ZFYVE27: variants seen among roughly 807,000 people sequenced by gnomAD.
ZFYVE27 encodes zinc finger FYVE-type containing 27.
A neutral mutation model predicts 52.8 loss-of-function variants in ZFYVE27; 36 were observed. That is an observed-to-expected ratio of 0.68 (90% CI 0.52 to 0.90). The LOEUF is 0.90. Among genes scored for constraint, ZFYVE27 ranks in the 40% least tolerant of loss-of-function variants. The probability of loss-of-function intolerance (pLI) is 0.00; values close to 1 mark genes in which losing one functional copy is unlikely to be tolerated. For missense variants in ZFYVE27, 450 were observed against 527.2 expected (o/e 0.85, Z 1.43); for synonymous variants, 223 against 215.6 (o/e 1.03, Z -0.30).
intron 10 of ZFYVE27, among the ~76,000 whole-genome samples, chr10:97,755,032 G>C (rs11189355): frequency 0.63 from 96,381 of 152,106 alleles, 32,208 homozygotes; most frequent in Non-Finnish European, 0.75. Flanking sequence ...TTGCCCTTGC[G>C]TGTGAAGTCC....
At position 97,759,738 on chromosome 10, in the gene ZFYVE27, A is replaced by G; in HGVS notation, c.*438A>G. ...CTGCAGGGTACTGGGCCAGGCCCTC[A>G]GCCTCAGAGAGCCTGCAGAAGGGCT... On this transcript the variant is annotated 3_prime_UTR_variant, in exon 13 of 13. Transcript: ENST00000684270. The G allele has an allele frequency of 4.3e-6, 1 of 233,294 alleles. No homozygotes were observed. Among genetic ancestry groups the G allele is most frequent in the East Asian group, 9.0e-5 (1 of 11,090 alleles). 14.5% of individuals were successfully genotyped at this position (233,294 alleles called of 1,614,324 possible). A position where few individuals can be genotyped will look rare whatever the true frequency, so the allele number is the denominator to read the frequency against.
chr10:97,752,978 G>C, intron 9 of ZFYVE27, 60 bp from the exon 10 acceptor site: 1 of 1,613,092 alleles, frequency 6.2e-7, no homozygotes, highest in Admixed American at 1.7e-5. Context: ...GGATGCCTCT[G>C]CACACGGGTC....
chr10:97,757,618 T>C lies in ZFYVE27; in HGVS notation c.1090-24T>C, dbSNP rs1205600171. ...CAGGTACCTGAGGGTGAGGGACACA[T>C]CTGACCTTGGCTCTTGTCTGCAGCG... On this transcript the variant is annotated intron_variant, in intron 11 of 12. Transcript: ENST00000684270. The C allele has an allele frequency of 3.7e-6, 6 of 1,613,178 alleles. No homozygotes were observed. In the South Asian group the frequency reaches 6.6e-5, roughly 18 times the overall value.
intron 2 of ZFYVE27, among the ~76,000 whole-genome samples, chr10:97,739,170 C>T (rs1421169857): frequency 6.7e-6 from 1 of 150,312 alleles, no homozygotes; most frequent in African/African-American, 2.5e-5. Flanking sequence ...GAACATGGCT[C>T]ACTGTAGCCT....
At chr10:97,755,469 C>T (rs752500645) in intron 10 of ZFYVE27, among the ~76,000 whole-genome samples, 6 of 152,194 alleles carry the variant, frequency 3.9e-5, no homozygotes, top group African/African-American at 4.8e-5. Context: ...GGTCCATTTC[C>T]GTCGTCATAG....
chr10:97,748,190 C>T, intron 4 of ZFYVE27, 79 bp from the exon 5 acceptor site: 1 of 1,334,950 alleles, frequency 7.5e-7, no homozygotes, highest in Non-Finnish European at 1.1e-6. Flanking sequence ...CATCCCTAGC[C>T]AACTGTACCT....
chr10:97,750,544 C>T, intron 7 of ZFYVE27, 74 bp downstream of exon 7: 1 of 1,590,498 alleles, frequency 6.3e-7, no homozygotes, highest in Non-Finnish European at 8.5e-7. Flanking sequence ...GTTTTTGGCT[C>T]CTGGGCTGGC....
chr10:97,748,733 T>C (rs2046147498), intron 5 of ZFYVE27, among the ~76,000 whole-genome samples: 1 of 152,244 alleles, frequency 6.6e-6, no homozygotes, highest in Non-Finnish European at 1.5e-5. Context: ...ATATTAAAGA[T>C]GATTTTCTTT....
In ZFYVE27 at chr10:97,759,812, C is replaced by G. The variant is rs2136445931; in HGVS notation, c.*512C>G. 5.3e-6 allele frequency: 1 copy of G among 189,334 alleles called. No homozygotes were observed. Among genetic ancestry groups the G allele is most frequent in the African/African-American group, 2.3e-5 (1 of 43,814 alleles). 11.7% of individuals were successfully genotyped at this position (189,334 alleles called of 1,614,324 possible). On this transcript the variant is annotated 3_prime_UTR_variant, in exon 13 of 13. Transcript: ENST00000684270. ...GCTGATTGAATGTCCCTCCAGGCAC[C>G]AGGATCTCATCATTTCCCCATCAGA... is the stretch of plus-strand genomic sequence containing the variant.
chr10:97,752,297 ACCAGG>A (rs2047190495), intron 8 of ZFYVE27, among the ~76,000 whole-genome samples: 1 of 152,160 alleles, frequency 6.6e-6, no homozygotes, highest in Non-Finnish European at 1.5e-5. Context: ...GTGGATTTCC[ACCAGG>A]CCTGTGATTT....
chr10:97,759,030 G>A (rs1211271624), intron 12 of ZFYVE27, among the ~76,000 whole-genome samples: 1 of 152,172 alleles, frequency 6.6e-6, no homozygotes, highest in Non-Finnish European at 1.5e-5. Flanking sequence ...TAGCACAGGA[G>A]TGGCCTGCTG....
At position 97,738,626 on chromosome 10, in the gene ZFYVE27, A is replaced by C; in HGVS notation, c.149A>C (p.Tyr50Ser). 6.2e-7 allele frequency: 1 copy of C among 1,614,182 alleles called. No individual in the cohort carries two copies. The highest frequency in any genetic ancestry group is 8.5e-7 in the Non-Finnish European group (1 of 1,180,028). The change falls in exon 2 of 13, where the codon TAC (tyrosine) becomes TCC (serine). Residue 50 changes from tyrosine to serine, a missense_variant. Coordinates refer to ENST00000684270, the MANE Select transcript of ZFYVE27 (RefSeq NM_001385875.1). ...CTCTCCTACAAGAGGCTGGAGATCT[A>C]CCTGGAACCCTTGAAGGATGCAGGT... ...LVLSYKRLEI[Y>S]LEPLKDAGDG... is the part of the protein sequence containing the mutation.
At position 97,738,654 on chromosome 10, in the gene ZFYVE27, T is replaced by C. The variant is rs1564801142; in HGVS notation, c.177T>C (p.Asp59=). ...TGGAACCCTTGAAGGATGCAGGTGA[T>C]GGTGTTCGATACTTGCTCAGGTACA... is the stretch of plus-strand genomic sequence containing the variant. ...IYLEPLKDAG[D]GVRYLLRWQM... The change falls in exon 2 of 13, where the codon GAT becomes GAC. Residue 59 remains aspartate, a synonymous_variant. Transcript: ENST00000684270. 6.2e-7 allele frequency: 1 copy of C among 1,614,226 alleles called. No homozygotes were observed. Among genetic ancestry groups the C allele is most frequent in the South Asian group, 1.1e-5 (1 of 91,086 alleles).
In ZFYVE27 at chr10:97,738,681, A is replaced by T. The variant is rs1397614313; in HGVS notation, c.197+7A>T. 6.2e-7 allele frequency: 1 copy of T among 1,614,030 alleles called. No homozygotes were observed. Among genetic ancestry groups the T allele is most frequent in the Non-Finnish European group, 8.5e-7 (1 of 1,180,008 alleles). The stretch of plus-strand genomic sequence containing the variant: ...GTGTTCGATACTTGCTCAGGTACAG[A>T]CTTTGTGGAGTTGCTCTGGTCTGCT... On this transcript the variant is annotated splice_region_variant and intron_variant, in intron 2 of 12. Transcript: ENST00000684270.
At chr10:97,743,860 C>T (rs1044819236) in intron 3 of ZFYVE27, among the ~76,000 whole-genome samples, 3 of 152,080 alleles carry the variant, frequency 2.0e-5, no homozygotes, top group Non-Finnish European at 2.9e-5. Context: ...CCGTGGTTGG[C>T]GCTGGCAGAT....
rs2044653990 is a variant in ZFYVE27, at chr10:97,744,584, T to G, written c.269-145T>G. 3.4e-6 allele frequency: 3 copies of G among 893,208 alleles called. No homozygotes were observed. In the South Asian group the frequency reaches 4.3e-5, roughly 13 times the overall value. 55.3% of individuals were successfully genotyped at this position (893,208 alleles called of 1,614,324 possible). ...GGTTAAGGGGGCTGGAGAGTAGGGG[T>G]GAGACACTGTGTCGTACAGAGCTAT... On this transcript the variant is annotated intron_variant, in intron 3 of 12. Transcript: ENST00000684270.
intron 10 of ZFYVE27, chr10:97,755,000 A>G (rs1272296807): frequency 5.1e-6 from 1 of 196,792 alleles, no homozygotes; most frequent in Non-Finnish European, 9.2e-6. Context: ...CTACCTCTTC[A>G]TCCTCCCTCT....
rs1413495961 is a variant in ZFYVE27, at chr10:97,759,271, G to T, written c.1207G>T (p.Ala403Ser). 1 of 1,614,196 alleles carries T rather than the reference G, an allele frequency of 6.2e-7. No individual in the cohort carries two copies. The highest frequency in any genetic ancestry group is 1.7e-5 in the Admixed American group (1 of 60,020). The change falls in exon 13 of 13, where the codon GCC becomes TCC. Residue 403 changes from alanine to serine, a missense_variant. Physicochemically the swap from Ala to Ser is moderately conservative, Grantham distance 99 (BLOSUM62 1). Transcript: ENST00000684270. ...CCAGAGGGAGACTGTGTTTGTGTGTGCCTCGTGTAACCAGACCTTGAGCAA... is the reference window on the plus strand; with the variant it reads ...CCAGAGGGAGACTGTGTTTGTGTGTTCCTCGTGTAACCAGACCTTGAGCAA... ...EAQRETVFVC[A>S]SCNQTLSK is the part of the protein sequence containing the mutation.
intron 12 of ZFYVE27, among the ~76,000 whole-genome samples, chr10:97,758,864 C>T (rs2049081736): frequency 6.6e-6 from 1 of 152,096 alleles, no homozygotes; most frequent in South Asian, 2.1e-4. Context: ...TCACTGCAAC[C>T]TCCGCCTCTT....
Sources: gnomAD v4.1 joint callset for allele counts (sites outside exome capture counted in the v4.1 genomes callset) on GRCh38, gnomAD v4.1.1 for gene constraint, MANE v1.5 for transcripts, NCBI Gene and HGNC (gene_info 2026-07-23, HGNC 2026-07-21) for gene names.